The following SAR1A variants were observed in gnomAD, a reference collection of about 807,000 sequenced individuals.
The protein encoded by SAR1A is small COPII coat GTPase SAR1A.
Under a neutral mutation model 22.6 loss-of-function variants are expected in SAR1A, and 6 were observed. That is an observed-to-expected ratio of 0.27 (90% CI 0.15 to 0.52). The LOEUF (loss-of-function observed/expected upper bound fraction) is 0.52, where lower values mean the gene tolerates loss of function less well. SAR1A is among the 20% of genes least tolerant of loss of function. The pLI is 0.96. For synonymous variants in SAR1A, 70 were observed against 82.2 expected, an observed-to-expected ratio of 0.85 and a Z score of 0.80; for missense variants, 145 against 245.1, an observed-to-expected ratio of 0.59 and a Z score of 2.73.
At chr10:70,163,347 T>C (rs1221796822) in intron 1 of SAR1A, among the ~76,000 whole-genome samples, 1 of 152,214 alleles carries the variant, frequency 6.6e-6, no homozygotes, top group Non-Finnish European at 1.5e-5. Context: ...ACATTTTCAA[T>C]GTAGGCAAAA....
In SAR1A at chr10:70,157,989, T is replaced by C. The variant is rs990607326; in HGVS notation, c.245-122A>G. 3.8e-5 allele frequency: 24 copies of C among 639,724 alleles called. No individual in the cohort carries two copies. In the African/African-American group the frequency reaches 4.2e-4, roughly 11 times the overall value. The allele number at this position is 639,724 out of a possible 1,614,324, so 39.6% of individuals were successfully genotyped here. A position where few individuals can be genotyped will look rare whatever the true frequency, so the allele number is the denominator to read the frequency against. ...TCAGTAAGATTAGACTCTATGGATT[T>C]CTCCAAGTTCTGGCCAGTATTAATT... On this transcript the variant is annotated intron_variant, in intron 4 of 6. Coordinates refer to ENST00000373241, the MANE Select transcript of SAR1A (RefSeq NM_020150.5).
At chr10:70,153,721 A>G in intron 6 of SAR1A, 117 bp downstream of exon 6, 2 of 820,972 alleles carry the variant, frequency 2.4e-6, no homozygotes, top group Non-Finnish European at 1.8e-6. Flanking sequence ...ACTCACAGTA[A>G]AACTAATCCT....
chr10:70,160,140 T>C (rs912713586), intron 4 of SAR1A, among the ~76,000 whole-genome samples: 5 of 151,708 alleles, frequency 3.3e-5, no homozygotes, highest in Admixed American at 2.6e-4. Flanking sequence ...AGATATATGA[T>C]ACCGTATACC....
In SAR1A at chr10:70,151,863, T is replaced by C. The variant is rs78341510; in HGVS notation, c.*613A>G. The C allele has an allele frequency of 0.029, 4,458 of 154,164 alleles. 90 individuals carry two copies. Among genetic ancestry groups the C allele is most frequent in the East Asian group, 0.058 (302 of 5,216 alleles). 9.5% of individuals were successfully genotyped at this position (154,164 alleles called of 1,614,324 possible). On this transcript the variant is annotated 3_prime_UTR_variant, in exon 7 of 7. Transcript: ENST00000373241. ...TGCAAGGCCGGGGTTCTGCCCCTTT[T>C]CTAGTTCTCTGTGCACAAGGTTATG...
At chr10:70,154,181 C>G (rs1293604895) in intron 5 of SAR1A, among the ~76,000 whole-genome samples, 4 of 152,156 alleles carry the variant, frequency 2.6e-5, no homozygotes, top group Admixed American at 6.5e-5. Context: ...CTAAGTGCCT[C>G]GAAACAGTTG....
chr10:70,152,283 G>T lies in SAR1A; in HGVS notation c.*193C>A. 1.0e-6 allele frequency: 1 copy of T among 992,876 alleles called. No individual in the cohort carries two copies. The highest frequency in any genetic ancestry group is 1.5e-6 in the Non-Finnish European group (1 of 669,346). 61.5% of individuals were successfully genotyped at this position (992,876 alleles called of 1,614,324 possible). The stretch of plus-strand genomic sequence containing the variant: ...CTGACCTGCACCAGCACGTGGGGCA[G>T]CATTACCTCCCAACAGTGTGGAGAA... On this transcript the variant is annotated 3_prime_UTR_variant, in exon 7 of 7. Coordinates refer to ENST00000373241, the MANE Select transcript of SAR1A (RefSeq NM_020150.5).
intron 5 of SAR1A, among the ~76,000 whole-genome samples, chr10:70,154,503 T>G (rs570083002): frequency 0.018 from 927 of 50,806 alleles, 17 homozygotes; most frequent in African/African-American, 0.043. Flanking sequence ...TCACATTATG[T>G]TTTTTTTCTT....
chr10:70,158,757 C>CAGAAAA lies in SAR1A; in HGVS notation c.245-891_245-890insTTTTCT, dbSNP rs368054677. Reference sequence around the variant, plus strand: ...TATAAGTTAAAATTTTTAAGTTATACAAAAAAAAAAAAAGGAAACCTCCAG... The same window carrying CAGAAAA: ...TATAAGTTAAAATTTTTAAGTTATACAGAAAAAAAAAAAAAAAAAGGAAACCTCCAG... On this transcript the variant is annotated intron_variant, in intron 4 of 6. Coordinates refer to ENST00000373241, the MANE Select transcript of SAR1A (RefSeq NM_020150.5). Among the ~76,000 whole-genome samples the CAGAAAA allele has an allele frequency of 1.5e-3, 184 of 125,784 alleles. 3 individuals carry two copies. The highest frequency in any genetic ancestry group is 4.6e-3 in the African/African-American group (158 of 34,102). The allele number at this position is 125,784 out of a possible 152,430, so 82.5% of individuals were successfully genotyped here. A position where few individuals can be genotyped will look rare whatever the true frequency, so the allele number is the denominator to read the frequency against.
At chr10:70,156,981 G>C (rs375693280) in intron 5 of SAR1A, among the ~76,000 whole-genome samples, 20 of 152,316 alleles carry the variant, frequency 1.3e-4, no homozygotes, top group African/African-American at 4.8e-4. Flanking sequence ...ACTGAGAACA[G>C]ACCATGAAGG....
intron 5 of SAR1A, 37 bp downstream of exon 5, chr10:70,157,727 A>G (rs759672297): frequency 2.0e-6 from 3 of 1,496,190 alleles, no homozygotes; most frequent in South Asian, 1.2e-5. Flanking sequence ...AAAGAACAAA[A>G]TATACATTAA....
chr10:70,154,614 C>T (rs750290751), intron 5 of SAR1A, among the ~76,000 whole-genome samples: 3 of 152,008 alleles, frequency 2.0e-5, no homozygotes, highest in Admixed American at 6.6e-5. Context: ...TGTGCTACCA[C>T]GCCTGGCTAA....
At chr10:70,154,320 T>G (rs1200333725) in intron 5 of SAR1A, among the ~76,000 whole-genome samples, 1 of 152,216 alleles carries the variant, frequency 6.6e-6, no homozygotes, top group Non-Finnish European at 1.5e-5. Flanking sequence ...ATGCTCTGGC[T>G]ACAGAGCCTC....
At chr10:70,163,350 A>T (rs1047696184) in intron 1 of SAR1A, among the ~76,000 whole-genome samples, 2 of 152,264 alleles carry the variant, frequency 1.3e-5, no homozygotes, top group African/African-American at 4.8e-5. Context: ...TTTTCAATGT[A>T]GGCAAAACAG....
chr10:70,154,877 C>T (rs959826683), intron 5 of SAR1A, among the ~76,000 whole-genome samples: 4 of 152,114 alleles, frequency 2.6e-5, no homozygotes, highest in African/African-American at 4.8e-5. Context: ...CAATTTTGGG[C>T]TTGAGCAAAG....
intron 4 of SAR1A, among the ~76,000 whole-genome samples, chr10:70,159,028 C>T (rs1407780878): frequency 6.6e-6 from 1 of 152,132 alleles, no homozygotes; most frequent in Non-Finnish European, 1.5e-5. Flanking sequence ...TAGGTTCAGT[C>T]TTATCTTGCT....
At position 70,153,875 on chromosome 10, in the gene SAR1A, C is replaced by A; in HGVS notation, c.443G>T (p.Arg148Leu). The A allele has an allele frequency of 6.2e-7, 1 of 1,606,422 alleles. No individual in the cohort carries two copies. The highest frequency in any genetic ancestry group is 8.5e-7 in the Non-Finnish European group (1 of 1,177,686). Residue 148 changes from arginine (R) to leucine (L), a missense_variant, in exon 6 of 7, where the codon CGT becomes CTT. Coordinates refer to ENST00000373241, the MANE Select transcript of SAR1A (RefSeq NM_020150.5). ...RTDAISEEKL[R>L]EIFGLYGQTT... is the part of the protein sequence containing the mutation. Reference sequence around the variant, plus strand: ...CTGTCCATAAAGCCCAAATATCTCACGGAGTTTTTCTTCACTGATTGCATC... The same window carrying A: ...CTGTCCATAAAGCCCAAATATCTCAAGGAGTTTTTCTTCACTGATTGCATC...
chr10:70,164,250 A>C (rs1240924139), intron 1 of SAR1A: 5 of 546,690 alleles, frequency 9.1e-6, no homozygotes, highest in Non-Finnish European at 1.7e-5. Context: ...TATGGTAATC[A>C]GGACTTCATT....
At chr10:70,154,744 A>T (rs901310508) in intron 5 of SAR1A, among the ~76,000 whole-genome samples, 7 of 152,208 alleles carry the variant, frequency 4.6e-5, no homozygotes, top group African/African-American at 7.2e-5. Flanking sequence ...TACAGGCATG[A>T]GCCACCACGC....
intron 5 of SAR1A, among the ~76,000 whole-genome samples, chr10:70,157,285 T>C (rs1839401979): frequency 6.6e-6 from 1 of 151,614 alleles, no homozygotes; most frequent in African/African-American, 2.4e-5. Flanking sequence ...GTGCCTGTAG[T>C]CCCAGCTACT....
Sources: allele counts gnomAD v4.1 joint callset (sites outside exome capture counted in the v4.1 genomes callset), GRCh38; gene constraint gnomAD v4.1.1; transcripts MANE v1.5; gene names NCBI Gene and HGNC (gene_info 2026-07-23, HGNC 2026-07-21).